ARNT2: variants seen among roughly 807,000 people sequenced by gnomAD.
ARNT2 encodes the protein aryl hydrocarbon receptor nuclear translocator 2.
In ARNT2, 36 loss-of-function variants were observed where a neutral mutation model predicts 91.7. That is an observed-to-expected ratio of 0.39 (90% CI 0.30 to 0.52). ARNT2 has a LOEUF of 0.52. Among genes scored for constraint, ARNT2 ranks in the 20% least tolerant of loss-of-function variants. ARNT2 has a pLI of 0.72. For synonymous variants in ARNT2, 365 were observed against 347.1 expected (o/e 1.05, Z -0.57); for missense variants, 775 against 939.3 (o/e 0.83, Z 2.29).
At chr15:80,556,788 A>G (rs1047119100) in intron 11 of ARNT2, 7 of 152,174 alleles carry the variant, frequency 4.6e-5, no homozygotes, top group Non-Finnish European at 8.8e-5. Flanking sequence ...TTGGTGACCT[A>G]AAAGCACCGT....
At chr15:80,427,988 A>T (rs1434466420) in intron 1 of ARNT2, among the ~76,000 whole-genome samples, 1 of 152,216 alleles carries the variant, frequency 6.6e-6, no homozygotes, top group East Asian at 1.9e-4. Flanking sequence ...CACTGTCAGG[A>T]TCACCTGCTC....
At chr15:80,420,971 C>A (rs1198125704) in intron 1 of ARNT2, among the ~76,000 whole-genome samples, 1 of 152,154 alleles carries the variant, frequency 6.6e-6, no homozygotes, top group Non-Finnish European at 1.5e-5. Context: ...TATTACAGCA[C>A]AATTCACAAT....
chr15:80,474,221 C>T (rs988235978), intron 4 of ARNT2, among the ~76,000 whole-genome samples: 1 of 152,196 alleles, frequency 6.6e-6, no homozygotes, highest in African/African-American at 2.4e-5. Flanking sequence ...AATATCAAGG[C>T]TTCCTGCTGC....
At chr15:80,431,312 C>T (rs1167775443) in intron 1 of ARNT2, among the ~76,000 whole-genome samples, 1 of 152,186 alleles carries the variant, frequency 6.6e-6, no homozygotes, top group African/African-American at 2.4e-5. Flanking sequence ...GGATATAGAG[C>T]ATTTGTAATC....
intron 17 of ARNT2, among the ~76,000 whole-genome samples, chr15:80,588,495 G>A (rs942142036): frequency 6.6e-6 from 1 of 151,906 alleles, no homozygotes; most frequent in Non-Finnish European, 1.5e-5. Flanking sequence ...AAAACCTTCA[G>A]TGTTTCTCTG....
intron 12 of ARNT2, among the ~76,000 whole-genome samples, chr15:80,565,819 T>C (rs1898470494): frequency 6.6e-6 from 1 of 152,200 alleles, no homozygotes; most frequent in African/African-American, 2.4e-5. Context: ...TTCTCTCCTA[T>C]TCTGTAGATT....
intron 12 of ARNT2, among the ~76,000 whole-genome samples, chr15:80,564,132 C>T (rs991695948): frequency 2.0e-5 from 3 of 152,168 alleles, no homozygotes; most frequent in Non-Finnish European, 2.9e-5. Context: ...GGCTGGCATC[C>T]GGAGAACTGT....
Position 80,404,663 on chromosome 15 carries a change from G to A in ARNT2, c.31+117G>A, listed in dbSNP as rs985456828. ...CGCGGAGCCGCAGCTCGGCGCGGTGGGTGGTGGAGCGGCTGTCACTACGCG... is the reference window on the plus strand; with the variant it reads ...CGCGGAGCCGCAGCTCGGCGCGGTGAGTGGTGGAGCGGCTGTCACTACGCG... On this transcript the variant is annotated intron_variant, in intron 1 of 18. Transcript: ENST00000303329. The surrounding 1 kb of genome is among the most constrained non-coding windows in gnomAD (Gnocchi z 5.5). The A allele has an allele frequency of 1.0e-4, 68 of 656,040 alleles. No individual in the cohort carries two copies. Among genetic ancestry groups the A allele is most frequent in the Non-Finnish European group, 8.0e-5 (42 of 525,792 alleles). 40.6% of individuals were successfully genotyped at this position (656,040 alleles called of 1,614,324 possible). A position where few individuals can be genotyped will look rare whatever the true frequency, so the allele number is the denominator to read the frequency against.
At chr15:80,491,155 G>C (rs578021711) in intron 5 of ARNT2, among the ~76,000 whole-genome samples, 2 of 152,294 alleles carry the variant, frequency 1.3e-5, no homozygotes, top group South Asian at 4.1e-4. Flanking sequence ...TGGTGGCTCT[G>C]GGGAAGTGAG....
At chr15:80,553,021 A>G (rs1898111823) in intron 10 of ARNT2, among the ~76,000 whole-genome samples, 1 of 152,178 alleles carries the variant, frequency 6.6e-6, no homozygotes. Context: ...TTGATTTTTC[A>G]CAAACTGGAA....
chr15:80,413,104 G>A (rs1425334814), intron 1 of ARNT2, among the ~76,000 whole-genome samples: 1 of 151,264 alleles, frequency 6.6e-6, no homozygotes, highest in Non-Finnish European at 1.5e-5. Flanking sequence ...TGCTGTTAGG[G>A]TAATTGGTCC....
At chr15:80,545,091 C>T (rs1897969864) in intron 8 of ARNT2, among the ~76,000 whole-genome samples, 1 of 152,224 alleles carries the variant, frequency 6.6e-6, no homozygotes, top group African/African-American at 2.4e-5. Context: ...CCTGAAACTC[C>T]ATTGCCATGT....
At chr15:80,498,060 C>T (rs114812064) in intron 5 of ARNT2, among the ~76,000 whole-genome samples, 1 of 152,304 alleles carries the variant, frequency 6.6e-6, no homozygotes, top group African/African-American at 2.4e-5. Flanking sequence ...CCAGCTGCAC[C>T]ATCGGGGGCC....
chr15:80,579,763 G>A (rs1898757233), intron 15 of ARNT2, among the ~76,000 whole-genome samples: 1 of 152,202 alleles, frequency 6.6e-6, no homozygotes, highest in Admixed American at 6.5e-5. Flanking sequence ...CTGCCGAGGA[G>A]CTAAGCAGGG....
At chr15:80,543,141 C>T (rs1051403688) in intron 8 of ARNT2, among the ~76,000 whole-genome samples, 1 of 148,242 alleles carries the variant, frequency 6.7e-6, no homozygotes, top group African/African-American at 2.5e-5. Context: ...GTATATGCCT[C>T]TTGCCTTCTT....
intron 2 of ARNT2, among the ~76,000 whole-genome samples, chr15:80,455,367 G>T (rs530043795): frequency 2.6e-5 from 4 of 152,270 alleles, no homozygotes; most frequent in African/African-American, 7.2e-5. Context: ...TGAGGCACAG[G>T]ATCTGGGTCC....
At chr15:80,563,272 C>G (rs1898404106) in intron 12 of ARNT2, 33 bp downstream of exon 12, 1 of 1,612,514 alleles carries the variant, frequency 6.2e-7, no homozygotes, top group Non-Finnish European at 8.5e-7. Flanking sequence ...CTCCTGGAAT[C>G]CACATGCGCT....
At chr15:80,529,192 C>T (rs940722609) in intron 8 of ARNT2, among the ~76,000 whole-genome samples, 1 of 152,190 alleles carries the variant, frequency 6.6e-6, no homozygotes, top group African/African-American at 2.4e-5. Context: ...CTTCTTGGTC[C>T]CTCCACCTGT....
At chr15:80,503,866 G>T (rs929742868) in intron 5 of ARNT2, among the ~76,000 whole-genome samples, 20 of 152,224 alleles carry the variant, frequency 1.3e-4, no homozygotes, top group Admixed American at 3.9e-4. Flanking sequence ...GGTGGTGATT[G>T]CTGGGTCTTT....
Sources: allele counts gnomAD v4.1 joint callset (sites outside exome capture counted in the v4.1 genomes callset), GRCh38; gene constraint gnomAD v4.1.1; non-coding constraint Gnocchi (gnomAD v3.1); transcripts MANE v1.5; gene names NCBI Gene and HGNC (gene_info 2026-07-23, HGNC 2026-07-21).